The following RBFOX1 variants were observed in gnomAD, a reference collection of about 807,000 sequenced individuals.
RBFOX1 encodes the protein RNA binding protein fox-1 homolog 1.
A neutral mutation model predicts 57.7 loss-of-function variants in RBFOX1; 8 were observed. The observed-to-expected ratio is 0.14, with a 90% CI of 0.08 to 0.25. RBFOX1 has a LOEUF of 0.25. RBFOX1 is among the 10% of genes least tolerant of loss of function. The probability of loss-of-function intolerance (pLI) is 1.00; values close to 1 mark genes in which losing one functional copy is unlikely to be tolerated. For missense variants in RBFOX1, 611 were observed against 548.5 expected, an observed-to-expected ratio of 1.11 and a Z score of -1.14; for synonymous variants, 326 against 222.4, an observed-to-expected ratio of 1.47 and a Z score of -4.15.
At chr16:5,294,774 T>C (rs2063621389) in intron 1 of RBFOX1, among the ~76,000 whole-genome samples, 1 of 152,026 alleles carries the variant, frequency 6.6e-6, no homozygotes, top group South Asian at 2.1e-4. Context: ...CTCACGCCTG[T>C]AATCCCAGCA....
intron 3 of RBFOX1, among the ~76,000 whole-genome samples, chr16:5,612,170 C>G (rs1290282610): frequency 6.6e-6 from 1 of 150,998 alleles, no homozygotes; most frequent in Admixed American, 6.6e-5. Flanking sequence ...CACCTACCCA[C>G]CCATTCTCCC....
At chr16:7,609,697 AT>A (rs2057048051) in intron 10 of RBFOX1, among the ~76,000 whole-genome samples, 1 of 152,216 alleles carries the variant, frequency 6.6e-6, no homozygotes, top group African/African-American at 2.4e-5. Context: ...AAAAGTTGGT[AT>A]TACTGCTCTG....
At chr16:5,987,895 C>T (rs1596350962) in intron 4 of RBFOX1, among the ~76,000 whole-genome samples, 2 of 152,172 alleles carry the variant, frequency 1.3e-5, no homozygotes, top group South Asian at 4.1e-4. Context: ...CCTGAAGTTA[C>T]ACTGTGACAT....
chr16:6,912,162 G>A (rs979978591), intron 3 of RBFOX1, among the ~76,000 whole-genome samples: 1 of 152,150 alleles, frequency 6.6e-6, no homozygotes, highest in Non-Finnish European at 1.5e-5. Flanking sequence ...ATGCCATAAA[G>A]AATGAGGTAA....
intron 4 of RBFOX1, among the ~76,000 whole-genome samples, chr16:7,152,236 G>A (rs1200364672): frequency 6.6e-6 from 1 of 152,172 alleles, no homozygotes; most frequent in Non-Finnish European, 1.5e-5. Flanking sequence ...CATAGCGGTA[G>A]CACAAGTAGG....
At chr16:5,372,294 C>T (rs2065877360) in intron 1 of RBFOX1, among the ~76,000 whole-genome samples, 1 of 152,174 alleles carries the variant, frequency 6.6e-6, no homozygotes, top group Admixed American at 6.5e-5. Context: ...AGTCCGTCCA[C>T]ATGGGTGAAC....
chr16:5,364,567 ATACT>A (rs1425735162), intron 1 of RBFOX1, among the ~76,000 whole-genome samples: 1 of 152,176 alleles, frequency 6.6e-6, no homozygotes, highest in East Asian at 1.9e-4. Context: ...CTTTGTGATG[ATACT>A]TACTCCATTC....
chr16:7,710,860 A>T lies in RBFOX1; in HGVS notation c.*115A>T. ...TAGCAACTCTAAAAAAAAAAAAAAT[A>T]CAAATAAAAAGGAAAAAAAATTACA... is the stretch of plus-strand genomic sequence containing the variant. On this transcript the variant is annotated 3_prime_UTR_variant, in exon 16 of 16. Coordinates refer to ENST00000550418, the MANE Select transcript of RBFOX1 (RefSeq NM_018723.4). The T allele has an allele frequency of 9.7e-7, 1 of 1,026,858 alleles. No homozygotes were observed. The allele number at this position is 1,026,858 out of a possible 1,614,324, so 63.6% of individuals were successfully genotyped here.
At chr16:6,854,008 A>C (rs990243197) in intron 3 of RBFOX1, among the ~76,000 whole-genome samples, 2 of 152,174 alleles carry the variant, frequency 1.3e-5, no homozygotes, top group Non-Finnish European at 2.9e-5. Context: ...GGCCAGAAAG[A>C]AAGAAAGGTA....
intron 1 of RBFOX1, among the ~76,000 whole-genome samples, chr16:5,293,677 C>T (rs981232231): frequency 6.6e-6 from 1 of 151,214 alleles, no homozygotes; most frequent in Non-Finnish European, 1.5e-5. Context: ...TACATGATTC[C>T]ATTTATATGA....
At chr16:5,474,125 A>G (rs189263492) in intron 2 of RBFOX1, among the ~76,000 whole-genome samples, 3 of 152,330 alleles carry the variant, frequency 2.0e-5, no homozygotes, top group Non-Finnish European at 4.4e-5. Context: ...CATATTCCAA[A>G]GCAAATAAGA....
intron 4 of RBFOX1, among the ~76,000 whole-genome samples, chr16:7,211,438 C>T (rs1020032643): frequency 7.6e-5 from 11 of 145,590 alleles, no homozygotes; most frequent in African/African-American, 2.8e-4. Flanking sequence ...TAAATTTAAA[C>T]GTTTATCCAG....
intron 3 of RBFOX1, among the ~76,000 whole-genome samples, chr16:6,914,982 A>C (rs936179973): frequency 6.6e-6 from 1 of 152,242 alleles, no homozygotes; most frequent in Admixed American, 6.5e-5. Flanking sequence ...TTATTATTAC[A>C]GCACTATTGC....
At chr16:6,989,769 G>T (rs766674285) in intron 3 of RBFOX1, among the ~76,000 whole-genome samples, 5 of 152,158 alleles carry the variant, frequency 3.3e-5, no homozygotes, top group South Asian at 2.1e-4. Flanking sequence ...GGAGGCTAAG[G>T]CAGGTGGATC....
At chr16:5,778,694 T>C (rs2054228866) in intron 3 of RBFOX1, among the ~76,000 whole-genome samples, 1 of 152,124 alleles carries the variant, frequency 6.6e-6, no homozygotes, top group South Asian at 2.1e-4. Context: ...TCATACTATT[T>C]AGGGTGGGGA....
At chr16:6,296,022 C>T (rs934644578) in intron 1 of RBFOX1, among the ~76,000 whole-genome samples, 12 of 152,218 alleles carry the variant, frequency 7.9e-5, no homozygotes, top group African/African-American at 2.7e-4. Context: ...CATCAAACAA[C>T]GTCTCCCTCT....
intron 3 of RBFOX1, among the ~76,000 whole-genome samples, chr16:5,686,924 T>G (rs552279181): frequency 6.6e-6 from 1 of 152,302 alleles, no homozygotes; most frequent in South Asian, 2.1e-4. Flanking sequence ...TACTTCAGTT[T>G]AAGCTTCGAA....
intron 4 of RBFOX1, among the ~76,000 whole-genome samples, chr16:7,415,900 G>T (rs572990277): frequency 6.6e-6 from 1 of 152,102 alleles, no homozygotes; most frequent in Admixed American, 6.6e-5. Flanking sequence ...ATAACTTTGG[G>T]CCCAGTTACG....
intron 2 of RBFOX1, among the ~76,000 whole-genome samples, chr16:5,595,937 G>C (rs1404183828): frequency 6.6e-6 from 1 of 152,168 alleles, no homozygotes; most frequent in East Asian, 1.9e-4. Flanking sequence ...GGCAGAAAAA[G>C]TCTCTTGAGA....
Sources: gnomAD v4.1 joint callset for allele counts (sites outside exome capture counted in the v4.1 genomes callset) on GRCh38, gnomAD v4.1.1 for gene constraint, MANE v1.5 for transcripts, NCBI Gene and HGNC (gene_info 2026-07-23, HGNC 2026-07-21) for gene names.